The following CENPI variants were observed in gnomAD, a reference collection of about 807,000 sequenced individuals.
CENPI encodes the protein FSH primary response 1.
Under a neutral mutation model 60.4 loss-of-function variants are expected in CENPI, and 4 were observed. The observed-to-expected ratio is 0.07, with a 90% confidence interval of 0.03 to 0.15. The LOEUF is 0.15. Among genes scored for constraint, CENPI ranks in the 10% least tolerant of loss-of-function variants. The pLI, the probability that CENPI is intolerant of heterozygous loss-of-function variation, is 1.00. For missense variants in CENPI, 444 were observed against 534.5 expected (o/e 0.83, Z 1.67); for synonymous variants, 157 against 189.4 (o/e 0.83, Z 1.40).
intron 4 of CENPI, 91 bp downstream of exon 4, chrX:101,102,502 C>T (rs2089430541): frequency 3.6e-6 from 1 of 279,082 alleles, no homozygotes; most frequent in Non-Finnish European, 6.1e-6. Context: ...TATATACACA[C>T]ACACACACAC....
At chrX:101,107,060 C>CAA (rs777807842) in intron 4 of CENPI, among the ~76,000 whole-genome samples, 2 of 62,133 alleles carry the variant, frequency 3.2e-5, no homozygotes, top group Non-Finnish European at 5.9e-5. Flanking sequence ...GACCCTGTCT[C>CAA]AAAAAAAAAA....
chrX:101,137,279 A>G (rs1005877007), intron 15 of CENPI, among the ~76,000 whole-genome samples: 1 of 112,175 alleles, frequency 8.9e-6, no homozygotes, highest in African/African-American at 3.2e-5. Context: ...TCTTCATGAT[A>G]TAGATTTTTT....
intron 15 of CENPI, among the ~76,000 whole-genome samples, chrX:101,137,662 CT>C (rs781527785): frequency 9.0e-6 from 1 of 110,689 alleles, no homozygotes; most frequent in East Asian, 2.9e-4. Flanking sequence ...AGCTTTCCAA[CT>C]TGAGATAGTA....
chrX:101,145,785 G>T (rs1043128814), intron 17 of CENPI, among the ~76,000 whole-genome samples: 4 of 109,682 alleles, frequency 3.6e-5, no homozygotes, highest in African/African-American at 1.3e-4. Context: ...CTTGTGTTAT[G>T]CATTTGCTTA....
At chrX:101,139,827 T>G (rs769087378) in intron 15 of CENPI, among the ~76,000 whole-genome samples, 8 of 94,495 alleles carry the variant, frequency 8.5e-5, no homozygotes, top group Middle Eastern at 7.4e-3. Flanking sequence ...TATGTTTTTT[T>G]TTTTTTGTTT....
intron 4 of CENPI, among the ~76,000 whole-genome samples, chrX:101,105,606 G>T (rs748355060): frequency 9.0e-6 from 1 of 111,151 alleles, no homozygotes; most frequent in Non-Finnish European, 1.9e-5. Flanking sequence ...ACAGAGTCTC[G>T]CTGTGTTGTC....
intron 20 of CENPI, among the ~76,000 whole-genome samples, chrX:101,157,104 T>G (rs2090059747): frequency 8.9e-6 from 1 of 111,898 alleles, no homozygotes; most frequent in Non-Finnish European, 1.9e-5. Flanking sequence ...AGTTGTACTA[T>G]TTTACATTCC....
intron 6 of CENPI, among the ~76,000 whole-genome samples, chrX:101,113,546 G>T (rs1182835485): frequency 9.1e-6 from 1 of 109,454 alleles, no homozygotes. Context: ...TCAAACTCAG[G>T]TGATCCGCCT....
intron 15 of CENPI, among the ~76,000 whole-genome samples, chrX:101,138,345 T>C (rs1245315188): frequency 9.3e-6 from 1 of 107,658 alleles, no homozygotes; most frequent in East Asian, 3.0e-4. Context: ...ATTAAAGATT[T>C]TTTTTTTTTT....
the CENPI span, among the ~76,000 whole-genome samples, chrX:101,177,503 C>A: frequency 9.0e-6 from 1 of 111,662 alleles, no homozygotes; most frequent in Non-Finnish European, 1.9e-5. Flanking sequence ...CCTCAGTTCC[C>A]CAGGTGGTGC....
At chrX:101,130,162 C>T (rs766437987) in intron 13 of CENPI, 89 bp downstream of exon 13, 65 of 637,832 alleles carry the variant, frequency 1.0e-4, no homozygotes, top group Non-Finnish European at 1.5e-4. Flanking sequence ...TGCCCGGCTG[C>T]GGTGGCTCAC....
chrX:101,126,119 ACTTC>A (rs1210964704), intron 8 of CENPI, among the ~76,000 whole-genome samples: 1 of 112,397 alleles, frequency 8.9e-6, no homozygotes, highest in Non-Finnish European at 1.9e-5. Flanking sequence ...CAATTTGGTT[ACTTC>A]CTTAGAATTC....
intron 8 of CENPI, 66 bp downstream of exon 8, chrX:101,120,850 G>T: frequency 1.2e-6 from 1 of 867,217 alleles, no homozygotes; most frequent in South Asian, 2.4e-5. Flanking sequence ...CAGGCATTGG[G>T]AATACAAAAT....
At chrX:101,147,226 T>C (rs925829191) in intron 18 of CENPI, among the ~76,000 whole-genome samples, 7 of 111,533 alleles carry the variant, frequency 6.3e-5, no homozygotes, top group Non-Finnish European at 1.1e-4. Context: ...ATTTTTTTTT[T>C]ATTATTTTAC....
chrX:101,134,561 T>C (rs999920380), intron 15 of CENPI, among the ~76,000 whole-genome samples: 2 of 111,434 alleles, frequency 1.8e-5, no homozygotes, highest in African/African-American at 6.5e-5. Flanking sequence ...TGCAGTTGTG[T>C]TTTCTTCCAC....
intron 20 of CENPI, among the ~76,000 whole-genome samples, chrX:101,160,086 C>T (rs2090093379): frequency 8.9e-6 from 1 of 112,151 alleles, no homozygotes. Flanking sequence ...TCAGATACAT[C>T]GTTGTGATCA....
At chrX:101,148,270 AT>A in intron 20 of CENPI, 109 bp downstream of exon 20, 30 of 671,591 alleles carry the variant, frequency 4.5e-5, no homozygotes, top group Admixed American at 1.1e-4. Flanking sequence ...GTGTTTAGTA[AT>A]TTTTTTTAAG....
intron 20 of CENPI, 25 bp downstream of exon 20, chrX:101,148,186 G>T: frequency 1.8e-6 from 2 of 1,116,466 alleles, no homozygotes; most frequent in East Asian, 6.0e-5. Flanking sequence ...AGAATTTTTA[G>T]ATTTTGTATC....
chrX:101,140,866 T>G, intron 16 of CENPI, 106 bp downstream of exon 16: 1 of 509,713 alleles, frequency 2.0e-6, no homozygotes, highest in Non-Finnish European at 3.3e-6. Flanking sequence ...TGCTTAGTAG[T>G]ACTTTTTTGG....
Sources: gnomAD v4.1 joint callset for allele counts (sites outside exome capture counted in the v4.1 genomes callset) on GRCh38, gnomAD v4.1.1 for gene constraint, MANE v1.5 for transcripts, NCBI Gene and HGNC (gene_info 2026-07-23, HGNC 2026-07-21) for gene names.